The following RBBP8 variants were observed in gnomAD, a reference collection of about 807,000 sequenced individuals.
RBBP8 encodes RB binding protein 8, endonuclease, also known as DNA endonuclease RBBP8.
A neutral mutation model predicts 108.3 loss-of-function variants in RBBP8; 88 were observed. The ratio of observed to expected loss-of-function variants is 0.81; its 90% confidence interval spans 0.68 to 0.97. RBBP8 has a LOEUF of 0.97. Among genes scored for constraint, RBBP8 ranks in the 50% least tolerant of loss-of-function variants. RBBP8 has a pLI of 0.00. For missense variants in RBBP8, 1,023 were observed against 1,049.0 expected (o/e 0.98, Z 0.34); for synonymous variants, 332 against 348.2 (o/e 0.95, Z 0.52).
chr18:22,982,286 C>T lies in RBBP8; in HGVS notation c.497C>T (p.Thr166Ile). The change falls in exon 7 of 19, where the codon ACA becomes ATA. Residue 166 changes from threonine (T) to isoleucine (I), a missense_variant. Thr to Ile is a moderately conservative substitution (Grantham distance 89). Coordinates refer to ENST00000327155, the MANE Select transcript of RBBP8 (RefSeq NM_002894.3). The stretch of plus-strand genomic sequence containing the variant: ...GACGTTATTCCAGATTCACCGATAA[C>T]AGCCTTCTCATTTTCTGGCGTTAAC... ...EEDVIPDSPITAFSFSGVNRL... is the reference protein window; with the variant it reads ...EEDVIPDSPIIAFSFSGVNRL... The T allele has an allele frequency of 6.2e-7, 1 of 1,614,182 alleles. No individual in the cohort carries two copies. Among genetic ancestry groups the T allele is most frequent in the Non-Finnish European group, 8.5e-7 (1 of 1,180,018 alleles).
upstream of RBBP8, among the ~76,000 whole-genome samples, chr18:22,931,495 G>A (rs1259591283): frequency 1.3e-5 from 2 of 152,202 alleles, no homozygotes; most frequent in Admixed American, 6.5e-5. Context: ...ACAATTTAAG[G>A]TGGAGGAGGG....
chr18:22,989,442 C>T (rs573445888), intron 9 of RBBP8, 124 bp downstream of exon 9: 20 of 675,022 alleles, frequency 3.0e-5, no homozygotes, highest in Non-Finnish European at 4.7e-5. Flanking sequence ...TGAAACAAAA[C>T]TTACATTGTT....
intron 8 of RBBP8, among the ~76,000 whole-genome samples, chr18:22,987,266 A>C (rs4456613): frequency 0.22 from 33,210 of 151,878 alleles, 3,877 homozygotes; most frequent in East Asian, 0.4. Flanking sequence ...GAGGAGAGAG[A>C]AAAGTGCTAG....
chr18:22,953,886 C>A (rs1806220041), intron 4 of RBBP8, among the ~76,000 whole-genome samples: 1 of 152,000 alleles, frequency 6.6e-6, no homozygotes, highest in Non-Finnish European at 1.5e-5. Context: ...ACAATCATGG[C>A]AGAAAGGGAA....
chr18:22,982,607 A>AT (rs1915014543), intron 7 of RBBP8, among the ~76,000 whole-genome samples: 1 of 152,232 alleles, frequency 6.6e-6, no homozygotes, highest in African/African-American at 2.4e-5. Flanking sequence ...ACATGTAAAT[A>AT]TACCATATTT....
intron 15 of RBBP8, among the ~76,000 whole-genome samples, chr18:23,001,966 T>C (rs930793162): frequency 2.0e-5 from 3 of 152,240 alleles, no homozygotes; most frequent in Non-Finnish European, 4.4e-5. Flanking sequence ...TAATGTGTTA[T>C]ATAGCTATAA....
intron 4 of RBBP8, among the ~76,000 whole-genome samples, chr18:22,951,428 A>G (rs1325109878): frequency 6.6e-6 from 1 of 152,250 alleles, no homozygotes; most frequent in Admixed American, 6.5e-5. Flanking sequence ...AGAAAATAAA[A>G]TCGAATTATG....
At chr18:23,025,240 G>A (rs990059008) in intron 18 of RBBP8, among the ~76,000 whole-genome samples, 2 of 152,210 alleles carry the variant, frequency 1.3e-5, no homozygotes, top group African/African-American at 4.8e-5. Flanking sequence ...GGGCAACAGA[G>A]CAAGACCCTG....
chr18:23,018,968 T>C (rs1428002301), intron 17 of RBBP8, among the ~76,000 whole-genome samples: 1 of 152,218 alleles, frequency 6.6e-6, no homozygotes, highest in Non-Finnish European at 1.5e-5. Flanking sequence ...ACATTAAAAT[T>C]ATATGTGAAA....
chr18:22,928,735 T>C (rs1436112317), upstream of RBBP8, among the ~76,000 whole-genome samples: 1 of 151,786 alleles, frequency 6.6e-6, no homozygotes, highest in African/African-American at 2.4e-5. Flanking sequence ...AGGGGTGTGA[T>C]CTTGGCTCAC....
chr18:22,968,067 CA>C (rs948245277), intron 4 of RBBP8, among the ~76,000 whole-genome samples: 3 of 149,488 alleles, frequency 2.0e-5, no homozygotes, highest in East Asian at 2.0e-4. Context: ...ACAATATTGA[CA>C]AAAAAAAATT....
chr18:22,951,119 T>A (rs1911998146), intron 4 of RBBP8, among the ~76,000 whole-genome samples: 1 of 152,208 alleles, frequency 6.6e-6, no homozygotes, highest in Admixed American at 6.5e-5. Flanking sequence ...TAGAATCACA[T>A]ATGTTTTTGA....
chr18:22,953,772 T>C (rs1912244855), intron 4 of RBBP8, among the ~76,000 whole-genome samples: 1 of 152,162 alleles, frequency 6.6e-6, no homozygotes, highest in Non-Finnish European at 1.5e-5. Context: ...TATTAGTCCA[T>C]TTTCACGCTG....
upstream of RBBP8, among the ~76,000 whole-genome samples, chr18:22,932,059 C>T (rs1910062615): frequency 1.3e-5 from 2 of 152,004 alleles, no homozygotes; most frequent in Non-Finnish European, 2.9e-5. Context: ...AATTGGACTG[C>T]GTGATGGCTT....
At chr18:22,958,815 TATAGGCATG>T (rs1294922113) in intron 4 of RBBP8, among the ~76,000 whole-genome samples, 1 of 152,198 alleles carries the variant, frequency 6.6e-6, no homozygotes, top group Non-Finnish European at 1.5e-5. Context: ...GTACTGAGAT[TATAGGCATG>T]AGCCACTGTG....
Position 22,963,730 on chromosome 18 carries a change from G to A in RBBP8, c.249-5076G>A, listed in dbSNP as rs1913316645. ...TAGATTTCTGAGACGGAGTGTATGA[G>A]ACCTAAAAAAAGTTTATTTTAGAAA... On this transcript the variant is annotated intron_variant, in intron 4 of 18. Coordinates refer to ENST00000327155, the MANE Select transcript of RBBP8 (RefSeq NM_002894.3). 3.3e-5 allele frequency among the ~76,000 whole-genome samples: 5 copies of A among 152,178 alleles called. No individual in the cohort carries two copies. The South Asian group carries it at 1.0e-3, about 32-fold the overall frequency.
chr18:22,974,942 G>A (rs1598690899), intron 5 of RBBP8, among the ~76,000 whole-genome samples: 1 of 152,240 alleles, frequency 6.6e-6, no homozygotes, highest in South Asian at 2.1e-4. Context: ...CAGTTAATCA[G>A]TTACATGGAA....
chr18:22,933,070 A>G (rs565901883), upstream of RBBP8, among the ~76,000 whole-genome samples: 17 of 152,372 alleles, frequency 1.1e-4, no homozygotes, highest in South Asian at 3.5e-3. Flanking sequence ...CACAGTGTAC[A>G]GATAACTTTC....
chr18:23,003,061 C>T (rs62095235), intron 15 of RBBP8, among the ~76,000 whole-genome samples: 4,740 of 152,300 alleles, frequency 0.031, 82 homozygotes, highest in Non-Finnish European at 0.04. Context: ...GCTTTTCTGA[C>T]GATGCTGCCT....
Sources: allele counts gnomAD v4.1 joint callset (sites outside exome capture counted in the v4.1 genomes callset), GRCh38; gene constraint gnomAD v4.1.1; transcripts MANE v1.5; gene names NCBI Gene and HGNC (gene_info 2026-07-23, HGNC 2026-07-21).